The following SRBD1 variants were observed in gnomAD, a reference collection of about 807,000 sequenced individuals.
SRBD1 encodes the protein S1 RNA binding domain 1, also known as S1 RNA-binding domain-containing protein 1.
Under a neutral mutation model 115.3 loss-of-function variants are expected in SRBD1, and 88 were observed. The observed-to-expected ratio is 0.76, with a 90% CI of 0.64 to 0.91. SRBD1 has a LOEUF of 0.91. Among genes scored for constraint, SRBD1 ranks in the 40% least tolerant of loss-of-function variants. The pLI, the probability that SRBD1 is intolerant of heterozygous loss-of-function variation, is 0.00. For synonymous variants in SRBD1, 509 were observed against 407.7 expected, an observed-to-expected ratio of 1.25 and a Z score of -2.99; for missense variants, 1,385 against 1,177.4, an observed-to-expected ratio of 1.18 and a Z score of -2.58.
At chr2:45,574,809 T>G in intron 7 of SRBD1, 86 bp from the exon 8 acceptor site, 1 of 1,178,392 alleles carries the variant, frequency 8.5e-7, no homozygotes, top group African/African-American at 1.5e-5. Context: ...GTAAATTAAT[T>G]CCAGTCAAAA....
At chr2:45,390,764 A>C (rs1666974192) in intron 20 of SRBD1, among the ~76,000 whole-genome samples, 1 of 152,128 alleles carries the variant, frequency 6.6e-6, no homozygotes, top group South Asian at 2.1e-4. Flanking sequence ...CCCCAGTCCA[A>C]CCATACTGAT....
At chr2:45,461,651 T>C (rs1034213049) in intron 16 of SRBD1, among the ~76,000 whole-genome samples, 6 of 151,980 alleles carry the variant, frequency 3.9e-5, no homozygotes, top group African/African-American at 1.5e-4. Flanking sequence ...ACCTCAGAGA[T>C]TCAACTGCCC....
chr2:45,439,386 T>G (rs10167229), intron 16 of SRBD1, among the ~76,000 whole-genome samples: 1 of 146,240 alleles, frequency 6.8e-6, no homozygotes, highest in Non-Finnish European at 1.5e-5. Context: ...TATAAAACAA[T>G]TGATGAATGC....
At chr2:45,437,364 A>AAC (rs1158059513) in intron 16 of SRBD1, among the ~76,000 whole-genome samples, 1 of 151,712 alleles carries the variant, frequency 6.6e-6, no homozygotes, top group Non-Finnish European at 1.5e-5. Context: ...GTTTAAAAAA[A>AAC]AAAAAAAAAA....
chr2:45,482,798 G>A (rs1670006263), intron 15 of SRBD1, among the ~76,000 whole-genome samples: 1 of 151,992 alleles, frequency 6.6e-6, no homozygotes. Context: ...ACCAAAATCT[G>A]CGGATGCTCA....
intron 9 of SRBD1, among the ~76,000 whole-genome samples, chr2:45,572,851 C>G (rs1253961195): frequency 2.0e-5 from 3 of 152,080 alleles, no homozygotes; most frequent in Non-Finnish European, 2.9e-5. Flanking sequence ...ACACTTTATT[C>G]TAAATCAGAT....
At chr2:45,470,270 A>C (rs1195117660) in intron 16 of SRBD1, among the ~76,000 whole-genome samples, 1 of 152,198 alleles carries the variant, frequency 6.6e-6, no homozygotes, top group Non-Finnish European at 1.5e-5. Flanking sequence ...TCCACAGAGC[A>C]GGAATGAAAG....
chr2:45,464,233 TG>T (rs1481278668), intron 16 of SRBD1, among the ~76,000 whole-genome samples: 3 of 152,198 alleles, frequency 2.0e-5, no homozygotes, highest in African/African-American at 7.2e-5. Context: ...GCCATTCTAA[TG>T]CTCTCTGGCC....
chr2:45,604,290 C>T (rs1006934004), intron 2 of SRBD1, among the ~76,000 whole-genome samples: 1 of 148,610 alleles, frequency 6.7e-6, no homozygotes, highest in Non-Finnish European at 1.5e-5. Context: ...ATTCTAATAC[C>T]AGGGAAGATC....
intron 14 of SRBD1, among the ~76,000 whole-genome samples, chr2:45,507,612 T>G (rs1242648826): frequency 6.6e-6 from 1 of 151,500 alleles, no homozygotes; most frequent in East Asian, 1.9e-4. Flanking sequence ...TCCCAGCTAC[T>G]CAAGAGGCTG....
chr2:45,431,651 T>G (rs1668341503), intron 16 of SRBD1, among the ~76,000 whole-genome samples: 1 of 152,028 alleles, frequency 6.6e-6, no homozygotes, highest in Admixed American at 6.6e-5. Context: ...AGGGGAGGGA[T>G]AGCATTAGGA....
intron 13 of SRBD1, 116 bp downstream of exon 13, chr2:45,547,406 T>A (rs1013483691): frequency 7.4e-5 from 63 of 851,742 alleles, no homozygotes; most frequent in Middle Eastern, 4.5e-4. Flanking sequence ...TTTTATATGG[T>A]TTATTGTCTC....
At chr2:45,428,451 T>C (rs940038057) in intron 16 of SRBD1, among the ~76,000 whole-genome samples, 46 of 152,086 alleles carry the variant, frequency 3.0e-4, no homozygotes, top group African/African-American at 1.0e-3. Flanking sequence ...CTCGGGAGGC[T>C]GAGGTAGGAG....
intron 14 of SRBD1, among the ~76,000 whole-genome samples, chr2:45,498,287 A>AAC (rs1670522651): frequency 6.6e-6 from 1 of 152,106 alleles, no homozygotes; most frequent in African/African-American, 2.4e-5. Context: ...TACGTATTCT[A>AAC]ACTGCAAGTC....
At chr2:45,519,943 G>T (rs1283766479) in intron 14 of SRBD1, among the ~76,000 whole-genome samples, 2 of 152,132 alleles carry the variant, frequency 1.3e-5, no homozygotes, top group Non-Finnish European at 2.9e-5. Context: ...AGACCAAAAA[G>T]CTAATAAGTA....
chr2:45,499,744 A>G (rs1000507418), intron 14 of SRBD1, among the ~76,000 whole-genome samples: 1 of 152,106 alleles, frequency 6.6e-6, no homozygotes, highest in African/African-American at 2.4e-5. Flanking sequence ...ATCATTTATT[A>G]AAGAGGCTGT....
chr2:45,474,116 G>C (rs1227753941), intron 16 of SRBD1, among the ~76,000 whole-genome samples: 1 of 152,118 alleles, frequency 6.6e-6, no homozygotes, highest in East Asian at 1.9e-4. Flanking sequence ...TGATTGGTTT[G>C]AATTCATTTT....
At chr2:45,485,078 A>G (rs1461666402) in intron 15 of SRBD1, among the ~76,000 whole-genome samples, 1 of 152,026 alleles carries the variant, frequency 6.6e-6, no homozygotes, top group Admixed American at 6.6e-5. Flanking sequence ...CCTGTTTTCA[A>G]TTTTTCTGGA....
chr2:45,455,224 A>C (rs550220674), intron 16 of SRBD1, among the ~76,000 whole-genome samples: 1 of 152,064 alleles, frequency 6.6e-6, no homozygotes, highest in South Asian at 2.1e-4. Flanking sequence ...AATTTCTATA[A>C]GGGTGAATTT....
Sources: gnomAD v4.1 joint callset for allele counts (sites outside exome capture counted in the v4.1 genomes callset) on GRCh38, gnomAD v4.1.1 for gene constraint, MANE v1.5 for transcripts, NCBI Gene and HGNC (gene_info 2026-07-23, HGNC 2026-07-21) for gene names.